Variants in MGAT5 observed in about 807,000 individuals in gnomAD.
MGAT5 encodes alpha-1,6-mannosylglycoprotein 6-beta-N-acetylglucosaminyltransferase A.
MGAT5 carries 30 observed loss-of-function variants against 94.3 expected under a neutral mutation model. That is an observed-to-expected ratio of 0.32 (90% CI 0.24 to 0.43). The LOEUF is 0.43. Ranked by LOEUF, MGAT5 falls within the 20% of genes least tolerant of loss-of-function variation. MGAT5 has a pLI of 1.00. For missense variants in MGAT5, 691 were observed against 905.5 expected (o/e 0.76, Z 3.04); for synonymous variants, 310 against 322.9 (o/e 0.96, Z 0.43).
intron 1 of MGAT5, among the ~76,000 whole-genome samples, chr2:134,229,594 A>G (rs974953661): frequency 6.6e-6 from 1 of 152,242 alleles, no homozygotes; most frequent in Non-Finnish European, 1.5e-5. Context: ...TGCCACAGAA[A>G]ATGGAGATAT....
chr2:134,282,991 G>GAA (rs35915258), intron 2 of MGAT5, among the ~76,000 whole-genome samples: 44 of 138,334 alleles, frequency 3.2e-4, no homozygotes, highest in African/African-American at 1.2e-3. Context: ...AACCAAAACC[G>GAA]AAAAAAAAAA....
chr2:134,350,038 A>G, intron 9 of MGAT5, 100 bp downstream of exon 9: 1 of 1,328,724 alleles, frequency 7.5e-7, no homozygotes, highest in Non-Finnish European at 1.1e-6. Flanking sequence ...CAGGACCATT[A>G]GCTGTAGAAG....
intron 1 of MGAT5, among the ~76,000 whole-genome samples, chr2:134,161,238 G>A (rs916912020): frequency 1.1e-4 from 17 of 152,242 alleles, no homozygotes; most frequent in Non-Finnish European, 2.5e-4. Flanking sequence ...TGATAACTGA[G>A]CAGGACCCGG....
At chr2:134,359,269 T>A (rs1030619826) in intron 9 of MGAT5, among the ~76,000 whole-genome samples, 2 of 152,218 alleles carry the variant, frequency 1.3e-5, no homozygotes, top group Admixed American at 6.5e-5. Flanking sequence ...ACCACTGCTG[T>A]TCACAGGGTC....
At chr2:134,438,597 G>C (rs953945376) in intron 14 of MGAT5, among the ~76,000 whole-genome samples, 1 of 152,188 alleles carries the variant, frequency 6.6e-6, no homozygotes, top group African/African-American at 2.4e-5. Flanking sequence ...CCCCCATTCA[G>C]GGTCTCACAG....
At chr2:134,273,828 C>T (rs566543273) in intron 2 of MGAT5, among the ~76,000 whole-genome samples, 1 of 152,216 alleles carries the variant, frequency 6.6e-6, no homozygotes, top group East Asian at 1.9e-4. Flanking sequence ...GATTTTTGAG[C>T]TCTGTTTGTC....
intron 1 of MGAT5, among the ~76,000 whole-genome samples, chr2:134,185,447 A>G (rs1187043944): frequency 6.6e-6 from 1 of 152,216 alleles, no homozygotes; most frequent in Non-Finnish European, 1.5e-5. Context: ...AAACATCAGT[A>G]AAAAAGAAAC....
At position 134,347,571 on chromosome 2, in the gene MGAT5, G is replaced by A. The variant is rs1005534943; in HGVS notation, c.1113-2234G>A. Among the ~76,000 whole-genome samples, 8 of 152,046 alleles carry A rather than the reference G, an allele frequency of 5.3e-5. No individual in the cohort carries two copies. The East Asian group carries it at 1.5e-3, about 29-fold the overall frequency. ...TGAGTTCCACATCAACGGATCAACCGCAGACCAAAAATATCTGAAGGAAAA... is the reference window on the plus strand; with the variant it reads ...TGAGTTCCACATCAACGGATCAACCACAGACCAAAAATATCTGAAGGAAAA... On this transcript the variant is annotated intron_variant, in intron 8 of 15. Transcript: ENST00000281923.
intron 9 of MGAT5, among the ~76,000 whole-genome samples, chr2:134,359,152 T>G (rs1679929876): frequency 6.6e-6 from 1 of 152,222 alleles, no homozygotes; most frequent in South Asian, 2.1e-4. Flanking sequence ...CACATACATA[T>G]GGCACAAGAT....
rs190739315 is a variant in MGAT5 at position 134,419,883 on chromosome 2, A to T, written c.1678-2920A>T. 1.3e-4 allele frequency among the ~76,000 whole-genome samples: 20 copies of T among 152,312 alleles called. No homozygotes were observed. The South Asian group carries it at 3.9e-3, about 30-fold the overall frequency. ...AATAGTGACATTGATGGCAACTTTA[A>T]CTTACCCTGATTCCGTCAGAAAATC... is the stretch of plus-strand genomic sequence containing the variant. On this transcript the variant is annotated intron_variant, in intron 12 of 15. Transcript: ENST00000281923.
intron 1 of MGAT5, among the ~76,000 whole-genome samples, chr2:134,152,786 G>A (rs1300887895): frequency 2.0e-5 from 3 of 152,114 alleles, no homozygotes; most frequent in Non-Finnish European, 4.4e-5. Context: ...TATATCAGCA[G>A]TGCATTAATG....
intron 10 of MGAT5, among the ~76,000 whole-genome samples, chr2:134,372,478 T>C (rs573104375): frequency 6.6e-6 from 1 of 152,336 alleles, no homozygotes; most frequent in Admixed American, 6.5e-5. Context: ...AAGCACTGTC[T>C]CGTAGCCTCT....
At chr2:134,246,609 G>A (rs1442558057) in intron 1 of MGAT5, among the ~76,000 whole-genome samples, 1 of 152,162 alleles carries the variant, frequency 6.6e-6, no homozygotes, top group Non-Finnish European at 1.5e-5. Flanking sequence ...CTTGAGGTTG[G>A]TGGGACATTG....
intron 1 of MGAT5, among the ~76,000 whole-genome samples, chr2:134,217,238 G>GGT (rs35795776): frequency 0.32 from 45,998 of 145,022 alleles, 7,867 homozygotes; most frequent in Non-Finnish European, 0.4. Context: ...GAGAGAGAGT[G>GGT]GTGTGTGTGT....
At chr2:134,334,596 A>G (rs1454664173) in intron 4 of MGAT5, among the ~76,000 whole-genome samples, 3 of 132,994 alleles carry the variant, frequency 2.3e-5, no homozygotes, top group Non-Finnish European at 4.6e-5. Context: ...TCTTCATGTT[A>G]TAAATATGCT....
At chr2:134,252,436 A>G (rs1323215478), upstream of MGAT5, among the ~76,000 whole-genome samples, 1 of 152,212 alleles carries the variant, frequency 6.6e-6, no homozygotes. Flanking sequence ...GGTGTTGAAT[A>G]GTGATGGAAT....
chr2:134,291,432 A>G lies in MGAT5; in HGVS notation c.406+20882A>G, dbSNP rs1035946964. Reference sequence around the variant, plus strand: ...TGTTGATCTTAGAATTTTAGTCTCCAGAATTATGAGAAATAAAAGTCTGTG... The same window carrying G: ...TGTTGATCTTAGAATTTTAGTCTCCGGAATTATGAGAAATAAAAGTCTGTG... On this transcript the variant is annotated intron_variant, in intron 2 of 15. Transcript: ENST00000281923. Among the ~76,000 whole-genome samples, 4 of 152,364 alleles carry G rather than the reference A, an allele frequency of 2.6e-5. No homozygotes were observed. The East Asian group carries it at 7.7e-4, about 29-fold the overall frequency.
At chr2:134,135,258 A>G (rs1686350592) in intron 1 of MGAT5, among the ~76,000 whole-genome samples, 2 of 152,244 alleles carry the variant, frequency 1.3e-5, no homozygotes, top group Admixed American at 6.5e-5. Context: ...AGAGAGTGTT[A>G]TAAGTTCACT....
At chr2:134,193,269 C>T (rs1679321543) in intron 1 of MGAT5, among the ~76,000 whole-genome samples, 1 of 151,976 alleles carries the variant, frequency 6.6e-6, no homozygotes, top group Admixed American at 6.6e-5. Context: ...ACTACAGGGA[C>T]ATGCCAACAT....
Sources: gnomAD v4.1 joint callset for allele counts (sites outside exome capture counted in the v4.1 genomes callset) on GRCh38, gnomAD v4.1.1 for gene constraint, MANE v1.5 for transcripts, NCBI Gene and HGNC (gene_info 2026-07-23, HGNC 2026-07-21) for gene names.